The following PCDH15 variants were observed in gnomAD, a reference collection of about 807,000 sequenced individuals.
PCDH15 encodes protocadherin related 15.
Under a neutral mutation model 178.5 loss-of-function variants are expected in PCDH15, and 129 were observed. The observed-to-expected ratio is 0.72, with a 90% CI of 0.63 to 0.84. The LOEUF is 0.84. Among genes scored for constraint, PCDH15 ranks in the 40% least tolerant of loss-of-function variants. PCDH15 has a pLI of 0.00. For synonymous variants in PCDH15, 800 were observed against 732.0 expected, an observed-to-expected ratio of 1.09 and a Z score of -1.50; for missense variants, 2,230 against 2,099.9, an observed-to-expected ratio of 1.06 and a Z score of -1.21.
chr10:54,989,064 G>T (rs1245186935), intron 2 of PCDH15, among the ~76,000 whole-genome samples: 1 of 152,208 alleles, frequency 6.6e-6, no homozygotes, highest in South Asian at 2.1e-4. Context: ...TAGAGCTTGG[G>T]CTGTGCCTTC....
chr10:55,302,938 A>G (rs1194825445), intron 1 of PCDH15, among the ~76,000 whole-genome samples: 1 of 152,130 alleles, frequency 6.6e-6, no homozygotes, highest in Non-Finnish European at 1.5e-5. Context: ...GGATGCAAAG[A>G]CCTTGAGTGA....
At chr10:55,610,637 A>G (rs1357315575) in intron 2 of PCDH15, among the ~76,000 whole-genome samples, 1 of 152,110 alleles carries the variant, frequency 6.6e-6, no homozygotes, top group Non-Finnish European at 1.5e-5. Flanking sequence ...TATATACTTA[A>G]GAGCTTAAAA....
intron 13 of PCDH15, among the ~76,000 whole-genome samples, chr10:54,169,521 G>A (rs1383959574): frequency 4.8e-5 from 7 of 145,026 alleles, no homozygotes; most frequent in African/African-American, 7.7e-5. Context: ...ATTAGGCTGT[G>A]ACACTTTAAC....
At chr10:55,126,178 C>T (rs775887674) in intron 2 of PCDH15, among the ~76,000 whole-genome samples, 1 of 151,932 alleles carries the variant, frequency 6.6e-6, no homozygotes. Flanking sequence ...CCTCTTATTC[C>T]TGCTCTGCTT....
At chr10:54,151,512 A>C (rs12268722) in intron 14 of PCDH15, among the ~76,000 whole-genome samples, 2,339 of 152,216 alleles carry the variant, frequency 0.015, 75 homozygotes, top group African/African-American at 0.054. Flanking sequence ...TACACTCTAG[A>C]CTGGGAGACA....
At chr10:55,105,581 T>C (rs923843019) in intron 2 of PCDH15, among the ~76,000 whole-genome samples, 3 of 152,162 alleles carry the variant, frequency 2.0e-5, no homozygotes, top group African/African-American at 7.2e-5. Context: ...ATCCTATTCA[T>C]CCTGTGGTTT....
At chr10:54,230,088 T>C (rs1349829742) in intron 9 of PCDH15, among the ~76,000 whole-genome samples, 4 of 152,218 alleles carry the variant, frequency 2.6e-5, no homozygotes, top group Non-Finnish European at 5.9e-5. Context: ...GCTTTCACTT[T>C]TGCCTTCTTA....
intron 2 of PCDH15, among the ~76,000 whole-genome samples, chr10:54,953,400 A>C (rs1838395782): frequency 6.6e-6 from 1 of 151,472 alleles, no homozygotes; most frequent in Admixed American, 6.6e-5. Flanking sequence ...CTTTTAGTAC[A>C]TTGTTGGATT....
intron 13 of PCDH15, among the ~76,000 whole-genome samples, chr10:54,162,443 T>C (rs1011100968): frequency 6.6e-6 from 1 of 152,126 alleles, no homozygotes; most frequent in African/African-American, 2.4e-5. Flanking sequence ...AGGCTGTCTG[T>C]GTTGAGAAAA....
intron 2 of PCDH15, among the ~76,000 whole-genome samples, chr10:55,082,420 G>A (rs1381541228): frequency 1.3e-5 from 2 of 151,602 alleles, no homozygotes; most frequent in African/African-American, 4.8e-5. Flanking sequence ...ACAATACTAA[G>A]AGGAAATTTT....
intron 2 of PCDH15, among the ~76,000 whole-genome samples, chr10:55,055,531 G>C: frequency 6.6e-6 from 1 of 152,146 alleles, no homozygotes; most frequent in Middle Eastern, 3.2e-3. Flanking sequence ...GGTTGGGTGA[G>C]GTGGCTCACA....
intron 2 of PCDH15, among the ~76,000 whole-genome samples, chr10:55,099,077 G>T (rs948751769): frequency 2.0e-5 from 3 of 151,960 alleles, no homozygotes; most frequent in African/African-American, 7.2e-5. Context: ...TTCAGTTTTA[G>T]TGTCTGTATT....
intron 13 of PCDH15, among the ~76,000 whole-genome samples, chr10:54,157,545 C>T (rs1450968934): frequency 1.3e-5 from 2 of 152,188 alleles, no homozygotes; most frequent in African/African-American, 2.4e-5. Flanking sequence ...TCATAGGCCT[C>T]TGGGCCTGTG....
intron 2 of PCDH15, among the ~76,000 whole-genome samples, chr10:55,611,513 T>C (rs1304540825): frequency 6.6e-6 from 1 of 151,888 alleles, no homozygotes; most frequent in Non-Finnish European, 1.5e-5. Flanking sequence ...CAAGTGTTGG[T>C]GAGGATTTGA....
chr10:55,065,792 A>G (rs1156934373), intron 2 of PCDH15, among the ~76,000 whole-genome samples: 1 of 152,040 alleles, frequency 6.6e-6, no homozygotes, highest in African/African-American at 2.4e-5. Context: ...GTTTTCTACA[A>G]GTTCTTTGGC....
At chr10:55,000,713 T>G (rs774511945) in intron 2 of PCDH15, among the ~76,000 whole-genome samples, 1 of 152,284 alleles carries the variant, frequency 6.6e-6, no homozygotes, top group East Asian at 1.9e-4. Flanking sequence ...AAGTATTAAT[T>G]TGGGGAATCT....
At position 55,170,406 on chromosome 10, in the gene PCDH15, C is replaced by G. The variant is rs141618163; in HGVS notation, c.-155-3755G>C. Among the ~76,000 whole-genome samples, 611 of 152,164 alleles carry G rather than the reference C, an allele frequency of 4.0e-3. 7 individuals are homozygous for G. Among genetic ancestry groups the G allele is most frequent in the African/African-American group, 0.014 (593 of 41,500 alleles). On this transcript the variant is annotated intron_variant, in intron 1 of 5. Transcript: ENST00000458638. Reference sequence around the variant, plus strand: ...TCAAGTGATCCTCTTGGCTAAGCCTCCCAAAGTGCTATGATTACAGGAATG... The same window carrying G: ...TCAAGTGATCCTCTTGGCTAAGCCTGCCAAAGTGCTATGATTACAGGAATG...
At chr10:55,357,548 G>C (rs1845110798) in intron 2 of PCDH15, among the ~76,000 whole-genome samples, 1 of 151,782 alleles carries the variant, frequency 6.6e-6, no homozygotes, top group East Asian at 1.9e-4. Context: ...TAAGTGTCAG[G>C]GATAGTAGTA....
At chr10:53,913,589 A>T (rs2083291646) in intron 25 of PCDH15, among the ~76,000 whole-genome samples, 1 of 151,744 alleles carries the variant, frequency 6.6e-6, no homozygotes, top group South Asian at 2.1e-4. Context: ...AAAAAAAAAA[A>T]AAAAATTAGC....
Sources: allele counts gnomAD v4.1 joint callset (sites outside exome capture counted in the v4.1 genomes callset), GRCh38; gene constraint gnomAD v4.1.1; transcripts MANE v1.5; gene names NCBI Gene and HGNC (gene_info 2026-07-23, HGNC 2026-07-21).